CNTN5: variants seen among roughly 807,000 people sequenced by gnomAD.
The protein encoded by CNTN5 is contactin-5.
In CNTN5, 77 loss-of-function variants were observed where a neutral mutation model predicts 129.1. That is an observed-to-expected ratio of 0.60 (90% CI 0.50 to 0.72). The LOEUF is 0.72. CNTN5 is among the 30% of genes least tolerant of loss of function. The pLI is 0.00. For synonymous variants in CNTN5, 509 were observed against 465.6 expected (o/e 1.09, Z -1.20); for missense variants, 1,478 against 1,328.8 (o/e 1.11, Z -1.75).
intron 1 of CNTN5, among the ~76,000 whole-genome samples, chr11:99,043,968 C>T (rs1002428885): frequency 1.3e-5 from 2 of 152,114 alleles, no homozygotes; most frequent in Admixed American, 6.5e-5. Context: ...AAATGTAGTC[C>T]ACTGGTTATT....
chr11:99,973,293 T>C (rs916367984), intron 8 of CNTN5, among the ~76,000 whole-genome samples: 2 of 152,148 alleles, frequency 1.3e-5, no homozygotes, highest in African/African-American at 4.8e-5. Context: ...ATTTCTGCAG[T>C]TGGTCACTTG....
chr11:99,221,801 G>A (rs939371106), intron 1 of CNTN5, among the ~76,000 whole-genome samples: 2 of 151,766 alleles, frequency 1.3e-5, no homozygotes, highest in East Asian at 1.9e-4. Context: ...AAGGAATTCT[G>A]GGAAATAAAT....
At chr11:99,976,200 A>T (rs1322597405) in intron 8 of CNTN5, among the ~76,000 whole-genome samples, 1 of 152,196 alleles carries the variant, frequency 6.6e-6, no homozygotes, top group Admixed American at 6.5e-5. Context: ...TGGAGGCCCA[A>T]GGCCTTTGGC....
At chr11:99,219,305 A>G (rs1265830325) in intron 1 of CNTN5, among the ~76,000 whole-genome samples, 1 of 151,918 alleles carries the variant, frequency 6.6e-6, no homozygotes, top group Non-Finnish European at 1.5e-5. Flanking sequence ...ATAAAGCCAA[A>G]AGTAAGAGAA....
At chr11:100,130,043 A>G (rs530404583) in intron 13 of CNTN5, among the ~76,000 whole-genome samples, 2 of 152,284 alleles carry the variant, frequency 1.3e-5, no homozygotes, top group South Asian at 2.1e-4. Context: ...ATGATGTTCT[A>G]TTGGCTTCAT....
At chr11:99,152,627 G>A (rs564323885) in intron 1 of CNTN5, among the ~76,000 whole-genome samples, 111 of 152,250 alleles carry the variant, frequency 7.3e-4, no homozygotes, top group East Asian at 2.9e-3. Flanking sequence ...TAATTGAAGC[G>A]CTTAGCCCGT....
intron 3 of CNTN5, among the ~76,000 whole-genome samples, chr11:99,754,602 C>CT: frequency 6.6e-6 from 1 of 152,230 alleles, no homozygotes; most frequent in South Asian, 2.1e-4. Context: ...TTTAAATAGA[C>CT]TGTTTCTTAA....
intron 3 of CNTN5, among the ~76,000 whole-genome samples, chr11:99,653,004 T>C (rs535864787): frequency 2.0e-5 from 3 of 152,072 alleles, no homozygotes; most frequent in East Asian, 3.9e-4. Flanking sequence ...TTTGCTGATT[T>C]AAATGACCTT....
intron 3 of CNTN5, among the ~76,000 whole-genome samples, chr11:99,663,967 T>C (rs1266012899): frequency 6.6e-6 from 1 of 152,198 alleles, no homozygotes; most frequent in African/African-American, 2.4e-5. Context: ...ATTGTACTTA[T>C]TGTTCAAACT....
chr11:99,360,259 C>G (rs544537465), intron 2 of CNTN5, among the ~76,000 whole-genome samples: 1 of 152,144 alleles, frequency 6.6e-6, no homozygotes, highest in Non-Finnish European at 1.5e-5. Context: ...ATTAAAGTCA[C>G]ATGTCTGTAG....
In CNTN5 at chr11:100,255,846, C is replaced by A; in HGVS notation, c.2092C>A (p.His698Asn). 1.2e-6 allele frequency: 2 copies of A among 1,613,862 alleles called. No homozygotes were observed. The highest frequency in any genetic ancestry group is 1.7e-6 in the Non-Finnish European group (2 of 1,179,854). ...TLSWSPAADN[H>N]SPISSYNLQA... ...GTCCTGGAGCCCAGCAGCTGACAAC[C>A]ACAGCCCAATCTCCTCCTACAACCT... The change falls in exon 17 of 25, where the codon CAC (histidine) becomes AAC (asparagine). Residue 698 changes from histidine (H) to asparagine (N), a missense_variant. By Grantham distance (68) the His-to-Asn change is moderately conservative (BLOSUM62 1). Transcript: ENST00000524871.
At chr11:99,078,018 T>C (rs943337571) in intron 1 of CNTN5, among the ~76,000 whole-genome samples, 15 of 152,156 alleles carry the variant, frequency 9.9e-5, no homozygotes, top group African/African-American at 3.6e-4. Flanking sequence ...AAATGTTAAG[T>C]GTATGTTGGA....
intron 2 of CNTN5, among the ~76,000 whole-genome samples, chr11:99,404,834 C>T (rs1157674471): frequency 6.6e-6 from 1 of 151,996 alleles, no homozygotes. Flanking sequence ...CAGATGATTT[C>T]TTATTGCTCA....
intron 21 of CNTN5, among the ~76,000 whole-genome samples, chr11:100,317,407 T>C (rs1382166313): frequency 1.3e-5 from 2 of 152,214 alleles, no homozygotes; most frequent in African/African-American, 4.8e-5. Context: ...ATATGCTGTG[T>C]GGGTAGCCGC....
At chr11:100,037,035 C>T (rs1463302466) in intron 9 of CNTN5, among the ~76,000 whole-genome samples, 1 of 152,020 alleles carries the variant, frequency 6.6e-6, no homozygotes, top group Non-Finnish European at 1.5e-5. Context: ...GAGGGCATCC[C>T]TGTCTTGTGC....
At chr11:99,779,402 T>C (rs1012591078) in intron 3 of CNTN5, among the ~76,000 whole-genome samples, 4 of 152,032 alleles carry the variant, frequency 2.6e-5, no homozygotes, top group African/African-American at 4.8e-5. Flanking sequence ...ACTAAGACTT[T>C]CAAAGTCTTC....
At chr11:100,162,809 T>A (rs1483684935) in intron 13 of CNTN5, among the ~76,000 whole-genome samples, 1 of 151,630 alleles carries the variant, frequency 6.6e-6, no homozygotes, top group Non-Finnish European at 1.5e-5. Context: ...ATAATGTATA[T>A]TTCTTGGTAA....
At chr11:99,897,078 C>G (rs1351111340) in intron 6 of CNTN5, among the ~76,000 whole-genome samples, 1 of 152,100 alleles carries the variant, frequency 6.6e-6, no homozygotes, top group African/African-American at 2.4e-5. Flanking sequence ...TGCGTAAAAA[C>G]TGTTCTTTTG....
At position 100,270,326 on chromosome 11, in the gene CNTN5, A is replaced by G. The variant is rs565595863; in HGVS notation, c.2165-766A>G. Among the ~76,000 whole-genome samples the G allele has an allele frequency of 2.8e-4, 42 of 152,340 alleles. 1 individual carries two copies. The highest frequency in any genetic ancestry group is 9.9e-4 in the African/African-American group (41 of 41,584). On this transcript the variant is annotated intron_variant, in intron 17 of 24. Coordinates refer to ENST00000524871, the MANE Select transcript of CNTN5 (RefSeq NM_014361.4). ...AATCCCCAACTCCCACCCCGGCTCT[A>G]CTGCCATGCCTACAAAGAAATCCAA...
Sources: gnomAD v4.1 joint callset for allele counts (sites outside exome capture counted in the v4.1 genomes callset) on GRCh38, gnomAD v4.1.1 for gene constraint, MANE v1.5 for transcripts, NCBI Gene and HGNC (gene_info 2026-07-23, HGNC 2026-07-21) for gene names.